SAMD12: variants seen among roughly 807,000 people sequenced by gnomAD.
SAMD12 encodes the protein sterile alpha motif domain-containing protein 12.
A neutral mutation model predicts 15.0 loss-of-function variants in SAMD12; 9 were observed. That is an observed-to-expected ratio of 0.60 (90% CI 0.36 to 1.05). The LOEUF is 1.05. Ranked by LOEUF, SAMD12 falls within the 50% of genes least tolerant of loss-of-function variation. SAMD12 has a pLI of 0.01. For missense variants in SAMD12, 230 were observed against 234.2 expected, an observed-to-expected ratio of 0.98 and a Z score of 0.12; for synonymous variants, 86 against 90.1, an observed-to-expected ratio of 0.96 and a Z score of 0.25.
In SAMD12 at chr8:118,445,851, A is replaced by G. The variant is rs544330055; in HGVS notation, c.193-5890T>C. ...AACTTTTCTGAACATATAGTGAGGC[A>G]TTATTAGTTTTTTCGTCTGTTCTGC... On this transcript the variant is annotated intron_variant, in intron 2 of 3. Coordinates refer to ENST00000314727, the MANE Select transcript of SAMD12 (RefSeq NM_207506.3). 3.9e-5 allele frequency among the ~76,000 whole-genome samples: 6 copies of G among 152,292 alleles called. No homozygotes were observed. The East Asian group carries it at 1.2e-3, about 29-fold the overall frequency.
intron 2 of SAMD12, among the ~76,000 whole-genome samples, chr8:118,555,073 A>G (rs1826484319): frequency 6.6e-6 from 1 of 152,200 alleles, no homozygotes; most frequent in Admixed American, 6.5e-5. Flanking sequence ...GAAAGAAAAT[A>G]AAGGAAAATA....
At chr8:118,308,825 C>T (rs1038866202) in intron 4 of SAMD12, among the ~76,000 whole-genome samples, 2 of 152,072 alleles carry the variant, frequency 1.3e-5, no homozygotes, top group Middle Eastern at 3.4e-3. Flanking sequence ...TTTTATTCTG[C>T]ACCCTGCTTG....
intron 2 of SAMD12, among the ~76,000 whole-genome samples, chr8:118,554,682 TA>T (rs1038482396): frequency 2.6e-4 from 39 of 150,282 alleles, no homozygotes; most frequent in African/African-American, 8.6e-4. Flanking sequence ...ATAATAATAA[TA>T]AAAAAGAACT....
At chr8:118,459,600 A>T (rs577154182) in intron 2 of SAMD12, among the ~76,000 whole-genome samples, 1 of 152,318 alleles carries the variant, frequency 6.6e-6, no homozygotes, top group African/African-American at 2.4e-5. Flanking sequence ...AATTACTAAT[A>T]ACTATGGATG....
chr8:118,416,043 G>T (rs1821671554), intron 3 of SAMD12, among the ~76,000 whole-genome samples: 1 of 152,066 alleles, frequency 6.6e-6, no homozygotes, highest in African/African-American at 2.4e-5. Context: ...GCACAGTGAA[G>T]AACAGACATC....
chr8:118,587,736 T>A (rs1465708128), intron 1 of SAMD12, among the ~76,000 whole-genome samples: 1 of 152,204 alleles, frequency 6.6e-6, no homozygotes, highest in Non-Finnish European at 1.5e-5. Context: ...TCTGACATCA[T>A]TGGGCTACTC....
chr8:118,519,419 C>G (rs956332233), intron 2 of SAMD12, among the ~76,000 whole-genome samples: 1 of 152,126 alleles, frequency 6.6e-6, no homozygotes, highest in Non-Finnish European at 1.5e-5. Context: ...TAAGTTATAC[C>G]AGAATTTCAA....
chr8:118,344,143 G>A (rs2130561679), intron 4 of SAMD12, among the ~76,000 whole-genome samples: 1 of 152,296 alleles, frequency 6.6e-6, no homozygotes, highest in Middle Eastern at 3.4e-3. Context: ...AGGAAGCCCT[G>A]TAGGTCTTTA....
At chr8:118,151,880 A>T in the SAMD12 span, among the ~76,000 whole-genome samples, 1 of 152,022 alleles carries the variant, frequency 6.6e-6, no homozygotes, top group Non-Finnish European at 1.5e-5. Context: ...AATCAATGCA[A>T]AAGATATAAC....
intron 2 of SAMD12, among the ~76,000 whole-genome samples, chr8:118,539,876 C>T (rs1360802259): frequency 6.6e-6 from 1 of 152,148 alleles, no homozygotes. Context: ...GAGGAAAAAC[C>T]TGGAGACAGA....
At chr8:118,621,037 A>C (rs1450377985) in intron 1 of SAMD12, 1 of 152,174 alleles carries the variant, frequency 6.6e-6, no homozygotes, top group East Asian at 1.9e-4. Flanking sequence ...TGAAATGAAA[A>C]ACTCAGGATC....
chr8:118,564,405 G>C (rs1323832819), intron 2 of SAMD12, among the ~76,000 whole-genome samples: 5 of 152,104 alleles, frequency 3.3e-5, no homozygotes, highest in Admixed American at 3.3e-4. Context: ...ATACAAAATG[G>C]GGCACTAGAG....
In SAMD12 at chr8:118,620,399, CAAAAAAAAAAA is replaced by C. The variant is rs68126546; in HGVS notation, c.13+1394_13+1404del. Among the ~76,000 whole-genome samples the C allele has an allele frequency of 4.7e-3, 315 of 66,414 alleles. 1 individual carries two copies. Among genetic ancestry groups the C allele is most frequent in the Non-Finnish European group, 5.7e-3 (232 of 40,360 alleles). 43.6% of individuals were successfully genotyped at this position (66,414 alleles called of 152,430 possible). A position where few individuals can be genotyped will look rare whatever the true frequency, so the allele number is the denominator to read the frequency against. ...GTCTTGACTATCAAGCATAACGATG[CAAAAAAAAAAA>C]AAAAAAAAAAAAAAAGATTCTCACC... On this transcript the variant is annotated intron_variant, in intron 1 of 3. Coordinates refer to ENST00000314727, the MANE Select transcript of SAMD12 (RefSeq NM_207506.3).
intron 4 of SAMD12, among the ~76,000 whole-genome samples, chr8:118,362,174 G>A (rs570638566): frequency 4.8e-4 from 73 of 151,928 alleles, no homozygotes; most frequent in Non-Finnish European, 9.0e-4. Context: ...AAGCACAAAA[G>A]GTAGTGCATA....
chr8:118,388,073 C>T (rs907143326), intron 3 of SAMD12, among the ~76,000 whole-genome samples: 4 of 152,166 alleles, frequency 2.6e-5, no homozygotes, highest in African/African-American at 9.7e-5. Flanking sequence ...TTTAACCCAT[C>T]TGGCAACCTT....
intron 4 of SAMD12, chr8:118,197,851 C>G (rs532303207): frequency 3.4e-6 from 3 of 881,528 alleles, no homozygotes; most frequent in South Asian, 1.4e-5. Context: ...AGAGAAAGCT[C>G]TAGTCAGAAT....
intron 4 of SAMD12, among the ~76,000 whole-genome samples, chr8:118,260,052 C>T (rs994563464): frequency 1.3e-5 from 2 of 152,066 alleles, no homozygotes; most frequent in South Asian, 2.1e-4. Context: ...ACAAAACAGA[C>T]GTCTCCTCTC....
intron 2 of SAMD12, among the ~76,000 whole-genome samples, chr8:118,533,942 A>C (rs962735076): frequency 6.6e-6 from 1 of 152,136 alleles, no homozygotes; most frequent in Non-Finnish European, 1.5e-5. Flanking sequence ...GCCCATTTAC[A>C]TTTGAGGTTA....
exon 5 of SAMD12, chr8:118,195,721 A>C (rs1819539755): frequency 1.3e-5 from 2 of 152,378 alleles, no homozygotes; most frequent in African/African-American, 4.8e-5. Context: ...ATACAGTTTC[A>C]TAAGGGCAGG....
Sources: gnomAD v4.1 joint callset for allele counts (sites outside exome capture counted in the v4.1 genomes callset) on GRCh38, gnomAD v4.1.1 for gene constraint, MANE v1.5 for transcripts, NCBI Gene and HGNC (gene_info 2026-07-23, HGNC 2026-07-21) for gene names.